Variants in IPO9 observed in about 807,000 individuals in gnomAD.
The protein encoded by IPO9 is importin-9.
Under a neutral mutation model 128.6 loss-of-function variants are expected in IPO9, and 28 were observed. The observed-to-expected ratio is 0.22, with a 90% CI of 0.16 to 0.30. The LOEUF (loss-of-function observed/expected upper bound fraction) is 0.30. Among genes scored for constraint, IPO9 ranks in the 10% least tolerant of loss-of-function variants. IPO9 has a pLI of 1.00. For synonymous variants in IPO9, 455 were observed against 475.8 expected (o/e 0.96, Z 0.57); for missense variants, 935 against 1,293.9 (o/e 0.72, Z 4.26).
chr1:201,877,710 G>A lies in IPO9; in HGVS notation c.*1656G>A, dbSNP rs1052878074. 1.3e-5 allele frequency: 2 copies of A among 152,096 alleles called. No homozygotes were observed. Among genetic ancestry groups the A allele is most frequent in the East Asian group, 3.9e-4 (2 of 5,174 alleles). The allele number at this position is 152,096 out of a possible 1,614,324, so 9.4% of individuals were successfully genotyped here. On this transcript the variant is annotated 3_prime_UTR_variant, in exon 24 of 24. Transcript: ENST00000361565. ...AGGCCGAAGCCAGCGGATCACCAGAGGTCAGGAGTTCGAGACCAGCCTGAC... is the reference window on the plus strand; with the variant it reads ...AGGCCGAAGCCAGCGGATCACCAGAAGTCAGGAGTTCGAGACCAGCCTGAC...
At chr1:201,863,037 T>C (rs1680479112) in intron 13 of IPO9, among the ~76,000 whole-genome samples, 1 of 151,954 alleles carries the variant, frequency 6.6e-6, no homozygotes, top group East Asian at 1.9e-4. Context: ...TTATGTAGCA[T>C]CTATTTACTT....
At chr1:201,864,504 T>C (rs571410196) in intron 14 of IPO9, among the ~76,000 whole-genome samples, 2 of 152,298 alleles carry the variant, frequency 1.3e-5, no homozygotes, top group South Asian at 2.1e-4. Flanking sequence ...TTTTAAGGGT[T>C]TTTCTGAGTT....
chr1:201,858,977 C>G lies in IPO9; in HGVS notation c.1451C>G (p.Ala484Gly). ...MHGFLTNVIL[A>G]DLNLSVSPFL... Reference sequence around the variant, plus strand: ...GGGTTCCTGACCAATGTCATCCTTGCAGACCTCAACCTCTCAGGTATGTTT... The same window carrying G: ...GGGTTCCTGACCAATGTCATCCTTGGAGACCTCAACCTCTCAGGTATGTTT... The change falls in exon 13 of 24, where the codon GCA (alanine) becomes GGA (glycine). Residue 484 changes from alanine (A) to glycine (G), a missense_variant. Physicochemically the swap from Ala to Gly is moderately conservative, Grantham distance 60. Transcript: ENST00000361565. The G allele has an allele frequency of 6.2e-7, 1 of 1,608,644 alleles. No individual in the cohort carries two copies. Among genetic ancestry groups the G allele is most frequent in the Non-Finnish European group, 8.5e-7 (1 of 1,175,742 alleles).
chr1:201,883,181 C>CG lies in IPO9; in HGVS notation c.*7127_*7128insG, dbSNP rs941937406. On this transcript the variant is annotated 3_prime_UTR_variant, in exon 24 of 24. Coordinates refer to ENST00000361565, the MANE Select transcript of IPO9 (RefSeq NM_018085.5). ...TTGCTTTCACTAGATTCCCCCCCCC[C>CG]CAACAACTTAGTCCAAGAACATACC... The CG allele has an allele frequency of 2.7e-5, 4 of 149,282 alleles. No homozygotes were observed. The highest frequency in any genetic ancestry group is 6.0e-5 in the Non-Finnish European group (4 of 67,156). 9.2% of individuals were successfully genotyped at this position (149,282 alleles called of 1,614,324 possible).
In IPO9 at chr1:201,880,728, TAC is replaced by T. The variant is rs1370929371; in HGVS notation, c.*4676_*4677del. 6.6e-6 allele frequency: 1 copy of T among 152,194 alleles called. No individual in the cohort carries two copies. Among genetic ancestry groups the T allele is most frequent in the Non-Finnish European group, 1.5e-5 (1 of 68,054 alleles). The allele number at this position is 152,194 out of a possible 1,614,324, so 9.4% of individuals were successfully genotyped here. On this transcript the variant is annotated 3_prime_UTR_variant, in exon 24 of 24. Coordinates refer to ENST00000361565, the MANE Select transcript of IPO9 (RefSeq NM_018085.5). Reference sequence around the variant, plus strand: ...AGCTAGTCTAGTAGGGGGTCAGAAATACAGATGGGCCTGAACATAATGATGGT... The same window carrying T: ...AGCTAGTCTAGTAGGGGGTCAGAAATAGATGGGCCTGAACATAATGATGGT...
rs1388409701 is a variant in IPO9, at chr1:201,834,404, T to G, written c.163+5032T>G. On this transcript the variant is annotated intron_variant, in intron 1 of 23. Transcript: ENST00000361565. ...TCATCAACTCTTTTTCTTTTGTTTT[T>G]GTCTGACTTACGGTGAGATCATGAG... is the stretch of plus-strand genomic sequence containing the variant. Among the ~76,000 whole-genome samples, 3 of 152,190 alleles carry G rather than the reference T, an allele frequency of 2.0e-5. No homozygotes were observed. In the East Asian group the frequency reaches 5.8e-4, roughly 29 times the overall value.
At chr1:201,853,803 A>G (rs1455310009) in intron 6 of IPO9, among the ~76,000 whole-genome samples, 1 of 152,152 alleles carries the variant, frequency 6.6e-6, no homozygotes. Flanking sequence ...CAGTGGTGCA[A>G]TCTCAGCTCA....
At chr1:201,871,491 A>G (rs1418480721) in intron 19 of IPO9, among the ~76,000 whole-genome samples, 164 bp downstream of exon 19, 1 of 141,632 alleles carries the variant, frequency 7.1e-6, no homozygotes, top group African/African-American at 2.7e-5. Context: ...GGTTCAAGCA[A>G]TTCTCCTGCT....
intron 1 of IPO9, among the ~76,000 whole-genome samples, chr1:201,839,720 G>A: frequency 6.6e-6 from 1 of 152,040 alleles, no homozygotes; most frequent in Admixed American, 6.6e-5. Context: ...AAACATGGGT[G>A]ATTTTGTCTT....
At chr1:201,865,816 A>G (rs2820309) in intron 14 of IPO9, among the ~76,000 whole-genome samples, 49,147 of 151,994 alleles carry the variant, frequency 0.32, 8,247 homozygotes, top group African/African-American at 0.36. Context: ...CTAGGACCAG[A>G]CACGGTGGCT....
intron 1 of IPO9, among the ~76,000 whole-genome samples, chr1:201,829,870 T>C (rs960614958): frequency 2.6e-5 from 4 of 152,232 alleles, no homozygotes; most frequent in Non-Finnish European, 5.9e-5. Context: ...CTCTGAGTTA[T>C]AAACCTAGCT....
intron 12 of IPO9, 142 bp from the exon 13 acceptor site, chr1:201,858,713 G>A (rs1680379701): frequency 1.1e-6 from 1 of 884,476 alleles, no homozygotes; most frequent in Non-Finnish European, 1.7e-6. Flanking sequence ...TTCAGCTATA[G>A]GTTAGAATGG....
intron 13 of IPO9, among the ~76,000 whole-genome samples, 186 bp downstream of exon 13, chr1:201,859,180 A>AATATATATATATATATATATATATATAT (rs148348918): frequency 2.4e-5 from 2 of 83,454 alleles, no homozygotes; most frequent in African/African-American, 8.0e-5. Flanking sequence ...CTCAAAGTAT[A>AATATATATATATATATATATATATATAT]ATATATATAT....
intron 16 of IPO9, among the ~76,000 whole-genome samples, chr1:201,869,067 G>A (rs557226625): frequency 6.6e-6 from 1 of 152,168 alleles, no homozygotes; most frequent in African/African-American, 2.4e-5. Flanking sequence ...CCTGGCCAAT[G>A]TGGTGAAACC....
chr1:201,863,213 A>C (rs1455303161), intron 13 of IPO9, among the ~76,000 whole-genome samples: 1 of 151,950 alleles, frequency 6.6e-6, no homozygotes, highest in Non-Finnish European at 1.5e-5. Context: ...TTAGCCGGGC[A>C]TGGTGGCAGG....
chr1:201,844,984 A>G lies in IPO9; in HGVS notation c.164-2295A>G, dbSNP rs186609837. On this transcript the variant is annotated intron_variant, in intron 1 of 23. Coordinates refer to ENST00000361565, the MANE Select transcript of IPO9 (RefSeq NM_018085.5). ...ACATATATTATATTATTCAGTCTTA[A>G]AAGGATTGCTTGATATATTGATACC... Among the ~76,000 whole-genome samples, 137 of 151,710 alleles carry G rather than the reference A, an allele frequency of 9.0e-4. 1 individual carries two copies. The highest frequency in any genetic ancestry group is 1.4e-3 in the Non-Finnish European group (98 of 67,798).
chr1:201,832,126 C>G (rs1679847632), intron 1 of IPO9, among the ~76,000 whole-genome samples: 1 of 151,402 alleles, frequency 6.6e-6, no homozygotes, highest in East Asian at 2.0e-4. Flanking sequence ...GTCTCGAACT[C>G]CTGACCTCAG....
Position 201,852,199 on chromosome 1 carries a change from A to G in IPO9, c.603+7A>G. On this transcript the variant is annotated splice_region_variant and intron_variant, in intron 5 of 23. Transcript: ENST00000361565. ...GATCTTCACCATGGCTGAGGTATGA[A>G]ATCTCAGCTCCAAGATTATAGTGAG... 6.4e-7 allele frequency: 1 copy of G among 1,573,406 alleles called. No individual in the cohort carries two copies. Among genetic ancestry groups the G allele is most frequent in the Non-Finnish European group, 8.7e-7 (1 of 1,143,410 alleles).
intron 1 of IPO9, among the ~76,000 whole-genome samples, chr1:201,836,892 T>A (rs1558215341): frequency 6.6e-6 from 1 of 152,254 alleles, no homozygotes; most frequent in Non-Finnish European, 1.5e-5. Flanking sequence ...GTTCATCTAT[T>A]TTATTTTAAA....
Sources: allele counts gnomAD v4.1 joint callset (sites outside exome capture counted in the v4.1 genomes callset), GRCh38; gene constraint gnomAD v4.1.1; transcripts MANE v1.5; gene names NCBI Gene and HGNC (gene_info 2026-07-23, HGNC 2026-07-21).